The following PIGK variants were observed in gnomAD, a reference collection of about 807,000 sequenced individuals.
PIGK encodes phosphatidylinositol glycan anchor biosynthesis class K.
Under a neutral mutation model 50.6 loss-of-function variants are expected in PIGK, and 42 were observed. That is an observed-to-expected ratio of 0.83 (90% confidence interval 0.65 to 1.07). The LOEUF (loss-of-function observed/expected upper bound fraction) is 1.07, where lower values mean the gene tolerates loss of function less well. Ranked by LOEUF, PIGK falls within the 50% of genes least tolerant of loss-of-function variation. The pLI is 0.00. For synonymous variants in PIGK, 151 were observed against 156.0 expected (o/e 0.97, Z 0.24); for missense variants, 448 against 488.7 (o/e 0.92, Z 0.78).
intron 5 of PIGK, among the ~76,000 whole-genome samples, chr1:77,165,004 C>A (rs1055997788): frequency 8.5e-5 from 13 of 152,112 alleles, no homozygotes. Flanking sequence ...CATATTGTCT[C>A]TAGCACAACT....
chr1:77,218,362 CAAG>C (rs1352074005), intron 1 of PIGK, among the ~76,000 whole-genome samples: 1 of 152,174 alleles, frequency 6.6e-6, no homozygotes, highest in Admixed American at 6.5e-5. Flanking sequence ...AGAGTCTAGA[CAAG>C]AAGTGATCAC....
At chr1:77,189,642 T>C (rs759850190) in intron 3 of PIGK, among the ~76,000 whole-genome samples, 11 of 148,356 alleles carry the variant, frequency 7.4e-5, no homozygotes, top group Non-Finnish European at 1.5e-4. Flanking sequence ...GCTCCTCAGC[T>C]TGCAGACAGC....
In PIGK at chr1:77,091,731, G is replaced by C. The variant is rs1051896977; in HGVS notation, c.*643C>G. On this transcript the variant is annotated 3_prime_UTR_variant, in exon 11 of 11. Coordinates refer to ENST00000370812, the MANE Select transcript of PIGK (RefSeq NM_005482.3). ...TCTTTGCTTTTAATTAAAGCTGCAG[G>C]ATTCCATGAGTGACCAGCAGTAAAA... 6.6e-6 allele frequency: 1 copy of C among 152,120 alleles called. No individual in the cohort carries two copies. Among genetic ancestry groups the C allele is most frequent in the African/African-American group, 2.4e-5 (1 of 41,424 alleles). The allele number at this position is 152,120 out of a possible 1,614,324, so 9.4% of individuals were successfully genotyped here.
intron 3 of PIGK, among the ~76,000 whole-genome samples, chr1:77,185,297 CATAAG>C (rs1432456848): frequency 1.3e-5 from 2 of 152,086 alleles, no homozygotes; most frequent in African/African-American, 4.8e-5. Context: ...TTTTTGCTTC[CATAAG>C]ATATCACCCT....
intron 10 of PIGK, among the ~76,000 whole-genome samples, chr1:77,109,185 G>T (rs1050958753): frequency 6.6e-6 from 1 of 152,190 alleles, no homozygotes; most frequent in Non-Finnish European, 1.5e-5. Context: ...GAGGTACAAG[G>T]AGGAGCTGGT....
intron 1 of PIGK, among the ~76,000 whole-genome samples, chr1:77,210,818 T>C (rs1656401390): frequency 6.6e-6 from 1 of 152,028 alleles, no homozygotes; most frequent in Non-Finnish European, 1.5e-5. Context: ...ATGAAAGCAA[T>C]GCCAATCCTA....
chr1:77,115,651 G>C (rs957977657), intron 10 of PIGK, among the ~76,000 whole-genome samples: 2 of 152,062 alleles, frequency 1.3e-5, no homozygotes, highest in Non-Finnish European at 1.5e-5. Flanking sequence ...AATACCTCTA[G>C]GACTAAAAAG....
At chr1:77,193,801 T>C (rs539415070) in intron 3 of PIGK, among the ~76,000 whole-genome samples, 2 of 152,200 alleles carry the variant, frequency 1.3e-5, no homozygotes, top group South Asian at 2.1e-4. Context: ...ATGACGCAGA[T>C]ACCAAAAGCA....
intron 9 of PIGK, among the ~76,000 whole-genome samples, chr1:77,139,640 G>A (rs1034462013): frequency 7.9e-5 from 12 of 152,194 alleles, no homozygotes; most frequent in African/African-American, 2.9e-4. Context: ...ACCACTGAAT[G>A]AGGGGGTGCC....
At chr1:77,150,342 AC>A (rs1190996317) in intron 9 of PIGK, among the ~76,000 whole-genome samples, 1 of 151,374 alleles carries the variant, frequency 6.6e-6, no homozygotes, top group Non-Finnish European at 1.5e-5. Context: ...ACATACGGAG[AC>A]CCCCATCTCT....
chr1:77,117,611 A>C (rs1293333781), intron 10 of PIGK, among the ~76,000 whole-genome samples: 1 of 152,188 alleles, frequency 6.6e-6, no homozygotes, highest in Non-Finnish European at 1.5e-5. Flanking sequence ...TCTGCAGTAT[A>C]AACTGGCTGG....
intron 10 of PIGK, 92 bp from the exon 11 acceptor site, chr1:77,092,582 T>A: frequency 1.3e-6 from 1 of 757,128 alleles, no homozygotes; most frequent in East Asian, 2.6e-5. Flanking sequence ...TAAATTTCAC[T>A]GGTTGTGTTT....
chr1:77,129,229 T>C (rs763264742), intron 9 of PIGK: 50 of 1,602,956 alleles, frequency 3.1e-5, no homozygotes, highest in Non-Finnish European at 4.0e-5. Context: ...ATCAAGGGTA[T>C]GCATATACAA....
intron 10 of PIGK, among the ~76,000 whole-genome samples, chr1:77,120,365 C>T (rs529082843): frequency 1.3e-5 from 2 of 151,978 alleles, no homozygotes; most frequent in Non-Finnish European, 2.9e-5. Context: ...ACTACAGGCA[C>T]GCACCACTAA....
At chr1:77,101,061 T>C (rs893414512) in intron 10 of PIGK, among the ~76,000 whole-genome samples, 3 of 152,184 alleles carry the variant, frequency 2.0e-5, no homozygotes, top group African/African-American at 7.2e-5. Flanking sequence ...CTAAGTTTGT[T>C]ATACACCAAT....
intron 9 of PIGK, chr1:77,129,017 A>C: frequency 1.4e-6 from 1 of 728,566 alleles, no homozygotes. Flanking sequence ...GCAGAGCTGC[A>C]TATTTACAAC....
rs767642106 is a variant in PIGK at position 77,163,947 on chromosome 1, T to C, written c.488-5A>G. ...AGAAACCATTTCCACCATGCCCTTG[T>C]ATAAAGAGTAAAAAAGATCAATAGA... On this transcript the variant is annotated splice_polypyrimidine_tract_variant and splice_region_variant and intron_variant, in intron 5 of 10. Coordinates refer to ENST00000370812, the MANE Select transcript of PIGK (RefSeq NM_005482.3). 7 of 1,530,246 alleles carry C rather than the reference T, an allele frequency of 4.6e-6. No homozygotes were observed. Among genetic ancestry groups the C allele is most frequent in the South Asian group, 1.1e-5 (1 of 87,168 alleles). The allele number at this position is 1,530,246 out of a possible 1,614,324, so 94.8% of individuals were successfully genotyped here. A position where few individuals can be genotyped will look rare whatever the true frequency, so the allele number is the denominator to read the frequency against.
At chr1:77,133,164 T>G (rs775949057) in intron 9 of PIGK, among the ~76,000 whole-genome samples, 1 of 152,138 alleles carries the variant, frequency 6.6e-6, no homozygotes, top group Non-Finnish European at 1.5e-5. Context: ...GGACCATTTT[T>G]CTGTGTCTAA....
At chr1:77,192,852 T>C (rs1365690634) in intron 3 of PIGK, among the ~76,000 whole-genome samples, 3 of 152,172 alleles carry the variant, frequency 2.0e-5, no homozygotes, top group East Asian at 3.8e-4. Context: ...ATAAGATCTT[T>C]CTTGATTGTC....
Sources: gnomAD v4.1 joint callset for allele counts (sites outside exome capture counted in the v4.1 genomes callset) on GRCh38, gnomAD v4.1.1 for gene constraint, MANE v1.5 for transcripts, NCBI Gene and HGNC (gene_info 2026-07-23, HGNC 2026-07-21) for gene names.